ITGA6: variants seen among roughly 807,000 people sequenced by gnomAD.
ITGA6 encodes integrin alpha-6.
Under a neutral mutation model 133.6 loss-of-function variants are expected in ITGA6, and 63 were observed. The ratio of observed to expected loss-of-function variants is 0.47; its 90% CI spans 0.38 to 0.58. The LOEUF (loss-of-function observed/expected upper bound fraction) is 0.58, where lower values mean the gene tolerates loss of function less well. ITGA6 is among the 20% of genes least tolerant of loss of function. The probability of loss-of-function intolerance (pLI) is 0.00; values close to 1 mark genes in which losing one functional copy is unlikely to be tolerated. For missense variants in ITGA6, 1,068 were observed against 1,309.4 expected (o/e 0.82, Z 2.85); for synonymous variants, 434 against 482.0 (o/e 0.90, Z 1.30).
At chr2:172,472,129 C>T (rs1382566086) in intron 5 of ITGA6, among the ~76,000 whole-genome samples, 1 of 152,216 alleles carries the variant, frequency 6.6e-6, no homozygotes, top group African/African-American at 2.4e-5. Flanking sequence ...CAAGACCAGC[C>T]TGGCCAATGC....
chr2:172,487,573 C>T lies in ITGA6; in HGVS notation c.2187C>T (p.Asn729=), dbSNP rs752896270. Residue 729 remains asparagine (N), a synonymous_variant, in exon 16 of 26, where the codon AAC becomes AAT. Coordinates refer to ENST00000684293, the MANE Select transcript of ITGA6 (RefSeq NM_000210.4). ...AGAAACAGTTGAGTTGTGTTGCCAA[C>T]CAGAATGGCTCGCAAGCTGACTGTG... ...FPEKQLSCVA[N]QNGSQADCEL... 6.2e-7 allele frequency: 1 copy of T among 1,614,146 alleles called. No individual in the cohort carries two copies. The highest frequency in any genetic ancestry group is 8.5e-7 in the Non-Finnish European group (1 of 1,180,004).
chr2:172,460,595 T>G (rs915895779), intron 1 of ITGA6, among the ~76,000 whole-genome samples: 1 of 152,064 alleles, frequency 6.6e-6, no homozygotes, highest in Non-Finnish European at 1.5e-5. Flanking sequence ...AAGTAAGAGG[T>G]TTGTCCGGAG....
chr2:172,446,664 A>C (rs116280493), intron 1 of ITGA6, among the ~76,000 whole-genome samples: 5,103 of 152,318 alleles, frequency 0.034, 125 homozygotes, highest in Non-Finnish European at 0.051. Context: ...TTGGCAACTG[A>C]TAAGTCGGGT....
rs2272499 is a variant in ITGA6, at chr2:172,467,387, G to A, written c.308-94G>A. The A allele has an allele frequency of 0.39, 348,034 of 894,970 alleles. 76,372 individuals are homozygous for A. The highest frequency in any genetic ancestry group is 0.83 in the East Asian group (32,741 of 39,548). 55.4% of individuals were successfully genotyped at this position (894,970 alleles called of 1,614,324 possible). The stretch of plus-strand genomic sequence containing the variant: ...TTATTGAGTAGCTAGACTCAGAGTC[G>A]AGGCCATTTGGAAACAGTTGCTTGT... On this transcript the variant is annotated intron_variant, in intron 2 of 25. Coordinates refer to ENST00000684293, the MANE Select transcript of ITGA6 (RefSeq NM_000210.4).
chr2:172,469,131 G>A lies in ITGA6; in HGVS notation c.394G>A (p.Ala132Thr). 1 of 1,614,144 alleles carries A rather than the reference G, an allele frequency of 6.2e-7. No homozygotes were observed. Among genetic ancestry groups the A allele is most frequent in the Non-Finnish European group, 8.5e-7 (1 of 1,180,002 alleles). The change falls in exon 4 of 26, where the codon GCT becomes ACT. Residue 132 changes from alanine (A) to threonine (T), a missense_variant. Ala to Thr is a moderately conservative substitution (Grantham distance 58). Coordinates refer to ENST00000684293, the MANE Select transcript of ITGA6 (RefSeq NM_000210.4). ...TTCTTCCATCTGCTTGCAGACATGT[G>A]CTCACCGATATGAAAAAAGGCAGCA... The part of the protein sequence containing the change: ...QGPGGKVVTC[A>T]HRYEKRQHVN...
Position 172,487,370 on chromosome 2 carries a change from G to T in ITGA6, c.2077G>T (p.Asp693Tyr), listed in dbSNP as rs371857011. ...CCCAAGGAATCCCACAAAAGATGGC[G>T]ATGACGCCCATGAGGCTAAACTGAT... ...SNPRNPTKDGDDAHEAKLIAT... is the reference protein window; with the variant it reads ...SNPRNPTKDGYDAHEAKLIAT... Residue 693 changes from aspartate to tyrosine, a missense_variant, in exon 15 of 26, where the codon GAT (aspartate) becomes TAT (tyrosine). This residue lies in a region of ITGA6 where 609 missense variants were observed against 707.2 expected (regional missense o/e 0.86). Coordinates refer to ENST00000684293, the MANE Select transcript of ITGA6 (RefSeq NM_000210.4). 1 of 1,614,080 alleles carries T rather than the reference G, an allele frequency of 6.2e-7. No homozygotes were observed. The highest frequency in any genetic ancestry group is 8.5e-7 in the Non-Finnish European group (1 of 1,179,910).
In ITGA6 at chr2:172,479,746, A is replaced by ATATGGTGAGCG. The variant is rs753978506; in HGVS notation, c.1487+8_1487+9insATGGTGAGCGT. 12 of 1,610,710 alleles carry ATATGGTGAGCG rather than the reference A, an allele frequency of 7.5e-6. No homozygotes were observed. Among genetic ancestry groups the ATATGGTGAGCG allele is most frequent in the Non-Finnish European group, 7.6e-6 (9 of 1,177,454 alleles). On this transcript the variant is annotated splice_region_variant and intron_variant, in intron 10 of 25. Coordinates refer to ENST00000684293, the MANE Select transcript of ITGA6 (RefSeq NM_000210.4). ...GGGCGCCTAGTGGGATATGGTGAGC[A>ATATGGTGAGCG]TCCCTCTGTCTTGGTGGGATCCCCC...
chr2:172,497,873 C>CA lies in ITGA6; in HGVS notation c.2989-101dup, dbSNP rs1687193251. 6 of 1,232,654 alleles carry CA rather than the reference C, an allele frequency of 4.9e-6. No homozygotes were observed. The South Asian group carries it at 7.3e-5, about 15-fold the overall frequency. The allele number at this position is 1,232,654 out of a possible 1,614,324, so 76.4% of individuals were successfully genotyped here. ...AGTCATCTCATCCATTCACAGGCTGCATTGTCCAAAATATATTCAAAAGCA... is the reference window on the plus strand; with the variant it reads ...AGTCATCTCATCCATTCACAGGCTGCAATTGTCCAAAATATATTCAAAAGCA... On this transcript the variant is annotated intron_variant, in intron 23 of 25. Coordinates refer to ENST00000684293, the MANE Select transcript of ITGA6 (RefSeq NM_000210.4).
intron 9 of ITGA6, among the ~76,000 whole-genome samples, chr2:172,477,617 AC>A (rs1265183307): frequency 6.6e-6 from 1 of 152,206 alleles, no homozygotes; most frequent in Non-Finnish European, 1.5e-5. Flanking sequence ...TCTATGTGTA[AC>A]TGATATTTTA....
intron 1 of ITGA6, among the ~76,000 whole-genome samples, chr2:172,448,673 T>C (rs1684866273): frequency 6.6e-6 from 1 of 152,224 alleles, no homozygotes; most frequent in Non-Finnish European, 1.5e-5. Flanking sequence ...TAGTTTATAG[T>C]CAAAAGAGAG....
At chr2:172,465,977 A>T (rs561469942) in intron 2 of ITGA6, 54 of 444,670 alleles carry the variant, frequency 1.2e-4, no homozygotes, top group Middle Eastern at 6.6e-4. Context: ...AATGAAGAGA[A>T]TGAATGAGCG....
At chr2:172,451,077 C>A (rs1008839656) in intron 1 of ITGA6, among the ~76,000 whole-genome samples, 24 of 151,146 alleles carry the variant, frequency 1.6e-4, no homozygotes, top group Non-Finnish European at 2.9e-4. Context: ...ATCACTTCAA[C>A]CTGGGAGGCG....
chr2:172,479,775 GT>G, intron 10 of ITGA6, 36 bp downstream of exon 10: 1 of 1,552,044 alleles, frequency 6.4e-7, no homozygotes, highest in African/African-American at 1.4e-5. Context: ...ATCCCCCTCA[GT>G]TTCCCACCTC....
At chr2:172,466,173 A>G (rs116488635) in intron 2 of ITGA6, among the ~76,000 whole-genome samples, 2,558 of 152,306 alleles carry the variant, frequency 0.017, 69 homozygotes, top group African/African-American at 0.057. Context: ...TGAGGTAGGC[A>G]TGTTGACATC....
intron 1 of ITGA6, chr2:172,465,032 T>C (rs1313272642): frequency 5.7e-6 from 1 of 175,206 alleles, no homozygotes; most frequent in African/African-American, 2.4e-5. Context: ...GTTCTCTCAA[T>C]TAGTATATAA....
Position 172,463,939 on chromosome 2 carries a change from G to A in ITGA6, c.183-1600G>A, listed in dbSNP as rs148181297. Reference sequence around the variant, plus strand: ...GACCTGTGGGGACCCTTGTGGCCCCGGCCTTGCCTCTGTCCTCTGTCAAGA... The same window carrying A: ...GACCTGTGGGGACCCTTGTGGCCCCAGCCTTGCCTCTGTCCTCTGTCAAGA... On this transcript the variant is annotated intron_variant, in intron 1 of 25. Transcript: ENST00000684293. 1.6e-3 allele frequency among the ~76,000 whole-genome samples: 246 copies of A among 152,292 alleles called. 3 individuals carry two copies. The highest frequency in any genetic ancestry group is 0.01 in the East Asian group (53 of 5,186).
intron 2 of ITGA6, 120 bp downstream of exon 2, chr2:172,465,783 G>C: frequency 7.5e-7 from 1 of 1,324,538 alleles, no homozygotes; most frequent in Non-Finnish European, 1.1e-6. Context: ...AATTGCATCA[G>C]ACTTGACTGT....
intron 23 of ITGA6, among the ~76,000 whole-genome samples, 172 bp from the exon 24 acceptor site, chr2:172,497,803 C>T (rs1464552265): frequency 6.6e-6 from 1 of 152,204 alleles, no homozygotes; most frequent in African/African-American, 2.4e-5. Context: ...CAAGGAATGT[C>T]TCTTGAAGCA....
intron 23 of ITGA6, among the ~76,000 whole-genome samples, chr2:172,496,015 C>G (rs1345211513): frequency 6.6e-6 from 1 of 152,194 alleles, no homozygotes; most frequent in Non-Finnish European, 1.5e-5. Flanking sequence ...CCATCTTGCC[C>G]TGAGGATACA....
Sources: gnomAD v4.1 joint callset for allele counts (sites outside exome capture counted in the v4.1 genomes callset) on GRCh38, gnomAD v4.1.1 for gene constraint, gnomAD v4.1.1 regional missense constraint, MANE v1.5 for transcripts, NCBI Gene and HGNC (gene_info 2026-07-23, HGNC 2026-07-21) for gene names.